Variants in LRP1B observed in about 807,000 individuals in gnomAD.
LRP1B encodes the protein LDL receptor related protein 1B.
In LRP1B, 217 loss-of-function variants were observed where a neutral mutation model predicts 556.6. That is an observed-to-expected ratio of 0.39 (90% CI 0.35 to 0.44). LRP1B has a LOEUF of 0.44. Ranked by LOEUF, LRP1B falls within the 20% of genes least tolerant of loss-of-function variation. The probability of loss-of-function intolerance (pLI) is 1.00; values close to 1 mark genes in which losing one functional copy is unlikely to be tolerated. For synonymous variants in LRP1B, 2,047 were observed against 1,865.8 expected (o/e 1.10, Z -2.50); for missense variants, 5,053 against 5,620.8 (o/e 0.90, Z 3.23).
At chr2:141,000,751 T>C (rs780217435) in intron 15 of LRP1B, among the ~76,000 whole-genome samples, 8 of 152,094 alleles carry the variant, frequency 5.3e-5, no homozygotes, top group Non-Finnish European at 1.0e-4. Flanking sequence ...GATAAAGGCT[T>C]TGTAGGATTT....
At chr2:141,611,310 A>G (rs1252367861) in intron 2 of LRP1B, among the ~76,000 whole-genome samples, 3 of 152,200 alleles carry the variant, frequency 2.0e-5, no homozygotes, top group Non-Finnish European at 2.9e-5. Context: ...ACATTACATC[A>G]TCTGTCAGAC....
At chr2:141,911,454 G>T (rs548400898) in intron 1 of LRP1B, among the ~76,000 whole-genome samples, 18 of 152,226 alleles carry the variant, frequency 1.2e-4, no homozygotes, top group African/African-American at 4.3e-4. Context: ...CTTCACAGCA[G>T]GCTATGACCT....
At chr2:141,361,112 G>A (rs1202761031) in intron 3 of LRP1B, among the ~76,000 whole-genome samples, 1 of 151,878 alleles carries the variant, frequency 6.6e-6, no homozygotes, top group African/African-American at 2.4e-5. Context: ...TTTTTATTTT[G>A]AATTTTAAAA....
chr2:140,907,836 T>C, intron 22 of LRP1B, 41 bp downstream of exon 22: 2 of 1,556,310 alleles, frequency 1.3e-6, no homozygotes, highest in Non-Finnish European at 1.8e-6. Flanking sequence ...TAAAAGGTTG[T>C]AGTTTTCATG....
chr2:142,089,999 G>T (rs535962405), intron 1 of LRP1B, among the ~76,000 whole-genome samples: 1 of 151,866 alleles, frequency 6.6e-6, no homozygotes, highest in Non-Finnish European at 1.5e-5. Context: ...ATTTTGAGTT[G>T]CTGTCAGAAA....
chr2:141,775,679 T>C (rs1695044182), intron 2 of LRP1B, among the ~76,000 whole-genome samples: 2 of 152,208 alleles, frequency 1.3e-5, no homozygotes, highest in African/African-American at 4.8e-5. Context: ...CAGGATGTGT[T>C]AGAAAAATAA....
intron 1 of LRP1B, among the ~76,000 whole-genome samples, chr2:141,990,623 A>G (rs936198388): frequency 6.6e-6 from 1 of 152,084 alleles, no homozygotes; most frequent in African/African-American, 2.4e-5. Context: ...AGGCTATTCC[A>G]AACAATGTGG....
intron 43 of LRP1B, among the ~76,000 whole-genome samples, chr2:140,550,725 T>C (rs1452638116): frequency 6.6e-6 from 1 of 152,166 alleles, no homozygotes; most frequent in Non-Finnish European, 1.5e-5. Flanking sequence ...ACAGATTAAA[T>C]ATAGTATTTC....
intron 1 of LRP1B, among the ~76,000 whole-genome samples, chr2:142,083,042 G>A (rs1404872146): frequency 6.6e-6 from 1 of 152,140 alleles, no homozygotes; most frequent in South Asian, 2.1e-4. Flanking sequence ...AGATTTTGGG[G>A]TGATGAGGTG....
At chr2:140,905,870 C>T (rs887003518) in intron 22 of LRP1B, among the ~76,000 whole-genome samples, 1 of 152,118 alleles carries the variant, frequency 6.6e-6, no homozygotes, top group African/African-American at 2.4e-5. Context: ...ATCACTATAA[C>T]TCCATTTTAG....
intron 35 of LRP1B, 115 bp downstream of exon 35, chr2:140,769,098 C>T (rs1344460625): frequency 1.3e-5 from 12 of 948,800 alleles, no homozygotes; most frequent in East Asian, 2.7e-5. Context: ...CTATTTGCTG[C>T]TTTCTTATTT....
intron 7 of LRP1B, among the ~76,000 whole-genome samples, chr2:141,182,948 G>C (rs887300055): frequency 1.3e-5 from 2 of 151,882 alleles, no homozygotes; most frequent in Admixed American, 1.3e-4. Flanking sequence ...TCACAGATGA[G>C]GACCCTACCT....
intron 2 of LRP1B, among the ~76,000 whole-genome samples, chr2:141,590,963 A>T (rs550330896): frequency 6.6e-6 from 1 of 152,232 alleles, no homozygotes; most frequent in African/African-American, 2.4e-5. Context: ...AGTCTTTGAC[A>T]AGTTTTCCTC....
intron 18 of LRP1B, among the ~76,000 whole-genome samples, chr2:140,977,185 TG>T (rs1450934399): frequency 1.3e-5 from 2 of 152,068 alleles, no homozygotes; most frequent in Non-Finnish European, 2.9e-5. Context: ...AATTGAAACA[TG>T]GGGGCAGGTC....
At chr2:141,041,765 G>A (rs1313703979) in intron 11 of LRP1B, among the ~76,000 whole-genome samples, 11 of 152,022 alleles carry the variant, frequency 7.2e-5, no homozygotes, top group Non-Finnish European at 1.6e-4. Flanking sequence ...AATGATAAAT[G>A]TTTGTGGTGA....
intron 1 of LRP1B, among the ~76,000 whole-genome samples, chr2:141,875,935 G>A (rs1048655929): frequency 2.0e-5 from 3 of 151,850 alleles, no homozygotes; most frequent in African/African-American, 4.8e-5. Context: ...TAATTCTAAA[G>A]CTAATTTAAG....
At chr2:140,530,136 T>G (rs1390313134) in intron 47 of LRP1B, among the ~76,000 whole-genome samples, 1 of 152,164 alleles carries the variant, frequency 6.6e-6, no homozygotes, top group Non-Finnish European at 1.5e-5. Context: ...AATTTACAGA[T>G]GGCTCCACCA....
At chr2:140,663,688 G>A (rs1685172752) in intron 41 of LRP1B, among the ~76,000 whole-genome samples, 1 of 152,156 alleles carries the variant, frequency 6.6e-6, no homozygotes, top group Non-Finnish European at 1.5e-5. Flanking sequence ...ATATCAGCAA[G>A]AAGGGTACTG....
chr2:141,330,614 G>C (rs1687602943), intron 3 of LRP1B, among the ~76,000 whole-genome samples: 1 of 152,090 alleles, frequency 6.6e-6, no homozygotes, highest in African/African-American at 2.4e-5. Flanking sequence ...CAACTTGTTT[G>C]CAAAGCAATG....
Sources: allele counts gnomAD v4.1 joint callset (sites outside exome capture counted in the v4.1 genomes callset), GRCh38; gene constraint gnomAD v4.1.1; transcripts MANE v1.5; gene names NCBI Gene and HGNC (gene_info 2026-07-23, HGNC 2026-07-21).